PTK2: variants seen among roughly 807,000 people sequenced by gnomAD.
The protein encoded by PTK2 is protein tyrosine kinase 2, also known as focal adhesion kinase 1.
PTK2 carries 45 observed loss-of-function variants against 150.1 expected under a neutral mutation model. The ratio of observed to expected loss-of-function variants is 0.30; its 90% confidence interval spans 0.24 to 0.38. The LOEUF (loss-of-function observed/expected upper bound fraction) is 0.38, where lower values mean the gene tolerates loss of function less well. Among genes scored for constraint, PTK2 ranks in the 10% least tolerant of loss-of-function variants. The probability of loss-of-function intolerance (pLI) is 1.00; values close to 1 mark genes in which losing one functional copy is unlikely to be tolerated. For synonymous variants in PTK2, 432 were observed against 449.2 expected (o/e 0.96, Z 0.48); for missense variants, 919 against 1,307.3 (o/e 0.70, Z 4.58).
At chr8:140,729,575 T>C (rs978424025) in intron 22 of PTK2, among the ~76,000 whole-genome samples, 3 of 152,252 alleles carry the variant, frequency 2.0e-5, no homozygotes, top group Non-Finnish European at 4.4e-5. Flanking sequence ...GTGCATCTGC[T>C]AGTGATGCTG....
chr8:140,818,732 T>A, intron 9 of PTK2, 148 bp downstream of exon 9: 1 of 942,664 alleles, frequency 1.1e-6, no homozygotes, highest in Non-Finnish European at 1.6e-6. Context: ...TCTTTTTCTA[T>A]TTTTCACATG....
chr8:140,965,143 C>CT (rs2100184788), intron 1 of PTK2, among the ~76,000 whole-genome samples: 1 of 152,186 alleles, frequency 6.6e-6, no homozygotes, highest in Non-Finnish European at 1.5e-5. Context: ...AATCCAAACT[C>CT]TTTATTATGA....
At chr8:140,859,034 T>C (rs1338469584) in intron 5 of PTK2, among the ~76,000 whole-genome samples, 4 of 152,144 alleles carry the variant, frequency 2.6e-5, no homozygotes, top group Admixed American at 6.5e-5. Context: ...CTAAAACCGC[T>C]GAACAAATTA....
At chr8:140,796,175 T>C (rs1012293392) in intron 12 of PTK2, among the ~76,000 whole-genome samples, 2 of 152,224 alleles carry the variant, frequency 1.3e-5, no homozygotes, top group African/African-American at 4.8e-5. Context: ...GACCCCGTGT[T>C]ACTCTTTCTG....
intron 30 of PTK2, among the ~76,000 whole-genome samples, chr8:140,665,515 A>G (rs1348289243): frequency 1.3e-5 from 2 of 152,146 alleles, no homozygotes; most frequent in African/African-American, 2.4e-5. Context: ...GGCTTCATCT[A>G]TTAGGCACAC....
intron 22 of PTK2, chr8:140,734,758 G>C (rs756010276): frequency 1.9e-6 from 1 of 518,192 alleles, no homozygotes; most frequent in Admixed American, 1.9e-5. Flanking sequence ...AAGCCTTCCT[G>C]AAGCAGGTAA....
chr8:140,845,992 T>C (rs1278048994), intron 7 of PTK2, among the ~76,000 whole-genome samples: 3 of 151,008 alleles, frequency 2.0e-5, no homozygotes, highest in Non-Finnish European at 4.4e-5. Flanking sequence ...GAATTCAATA[T>C]AAATTAGAAA....
At chr8:140,744,380 T>C (rs2100057496) in intron 19 of PTK2, among the ~76,000 whole-genome samples, 1 of 152,192 alleles carries the variant, frequency 6.6e-6, no homozygotes, top group African/African-American at 2.4e-5. Flanking sequence ...AGTATCACAA[T>C]GTTTTAAACT....
intron 14 of PTK2, among the ~76,000 whole-genome samples, chr8:140,783,980 T>C (rs748489891): frequency 3.3e-5 from 5 of 152,022 alleles, no homozygotes; most frequent in Non-Finnish European, 5.9e-5. Context: ...CTGGCCAACG[T>C]TGTGAAACCC....
intron 4 of PTK2, among the ~76,000 whole-genome samples, chr8:140,872,107 C>CTA (rs2100142899): frequency 6.6e-6 from 1 of 152,234 alleles, no homozygotes; most frequent in Admixed American, 6.5e-5. Context: ...CTCAGTGACA[C>CTA]TATCTCAGCT....
intron 3 of PTK2, among the ~76,000 whole-genome samples, chr8:140,885,932 G>A (rs550536076): frequency 6.6e-6 from 1 of 152,244 alleles, no homozygotes; most frequent in African/African-American, 2.4e-5. Flanking sequence ...CATTCTGGCT[G>A]CTGGGTTGTC....
intron 13 of PTK2, among the ~76,000 whole-genome samples, chr8:140,792,759 C>T (rs2100089248): frequency 6.6e-6 from 1 of 152,228 alleles, no homozygotes; most frequent in Non-Finnish European, 1.5e-5. Context: ...CACTGTTCTT[C>T]TTCAGTGTCT....
At chr8:140,893,455 T>G (rs1041454924) in intron 2 of PTK2, among the ~76,000 whole-genome samples, 1 of 152,174 alleles carries the variant, frequency 6.6e-6, no homozygotes, top group Non-Finnish European at 1.5e-5. Flanking sequence ...GAAATATTGT[T>G]CAGCATAAAA....
At chr8:140,969,932 G>A (rs2100186643) in intron 1 of PTK2, among the ~76,000 whole-genome samples, 1 of 152,204 alleles carries the variant, frequency 6.6e-6, no homozygotes, top group Admixed American at 6.5e-5. Flanking sequence ...CAACTAATAA[G>A]GGCAACTCGT....
chr8:140,914,489 T>G (rs542960724), intron 2 of PTK2, among the ~76,000 whole-genome samples: 1 of 152,172 alleles, frequency 6.6e-6, no homozygotes, highest in African/African-American at 2.4e-5. Context: ...GGTAAACTTG[T>G]ATCACGAGGG....
chr8:140,774,343 A>C (rs1454950142), intron 14 of PTK2, among the ~76,000 whole-genome samples: 1 of 152,172 alleles, frequency 6.6e-6, no homozygotes, highest in African/African-American at 2.4e-5. Context: ...AGGGCTACTT[A>C]CTTCTCTACA....
intron 14 of PTK2, among the ~76,000 whole-genome samples, chr8:140,771,873 G>A (rs974499023): frequency 2.7e-5 from 4 of 150,588 alleles, no homozygotes; most frequent in East Asian, 2.0e-4. Flanking sequence ...CTCTGCCTCC[G>A]GGTTCAAGCG....
At chr8:140,952,232 A>G (rs1440979736) in intron 1 of PTK2, among the ~76,000 whole-genome samples, 1 of 152,242 alleles carries the variant, frequency 6.6e-6, no homozygotes, top group African/African-American at 2.4e-5. Context: ...ATGAAATAAC[A>G]AAACTGCCCT....
At chr8:140,776,305 T>C (rs1347540602) in intron 14 of PTK2, among the ~76,000 whole-genome samples, 1 of 152,218 alleles carries the variant, frequency 6.6e-6, no homozygotes, top group Non-Finnish European at 1.5e-5. Context: ...ACCTGGCCAA[T>C]AGTTACATTA....
Sources: allele counts gnomAD v4.1 joint callset (sites outside exome capture counted in the v4.1 genomes callset), GRCh38; gene constraint gnomAD v4.1.1; transcripts MANE v1.5; gene names NCBI Gene and HGNC (gene_info 2026-07-23, HGNC 2026-07-21).